Variants in UNC13B observed in about 807,000 individuals in gnomAD.
The protein encoded by UNC13B is unc-13 homolog B.
In UNC13B, 144 loss-of-function variants were observed where a neutral mutation model predicts 211.0. The ratio of observed to expected loss-of-function variants is 0.68; its 90% confidence interval spans 0.60 to 0.78. UNC13B has a LOEUF of 0.78. UNC13B is among the 30% of genes least tolerant of loss of function. The pLI, the probability that UNC13B is intolerant of heterozygous loss-of-function variation, is 0.00. For missense variants in UNC13B, 1,777 were observed against 2,002.0 expected, an observed-to-expected ratio of 0.89 and a Z score of 2.14; for synonymous variants, 709 against 725.8, an observed-to-expected ratio of 0.98 and a Z score of 0.37.
intron 6 of UNC13B, among the ~76,000 whole-genome samples, chr9:35,252,735 C>T (rs1251547552): frequency 6.6e-6 from 1 of 152,006 alleles, no homozygotes; most frequent in East Asian, 2.0e-4. Context: ...TCGAGACCAT[C>T]CTGGCTAACA....
intron 1 of UNC13B, among the ~76,000 whole-genome samples, chr9:35,191,166 G>A (rs1822638833): frequency 6.6e-6 from 1 of 152,094 alleles, no homozygotes; most frequent in Admixed American, 6.6e-5. Flanking sequence ...CACCATGTTG[G>A]TCAGGCTGGT....
In UNC13B at chr9:35,276,903, A is replaced by T. The variant is rs538705832; in HGVS notation, c.526+17853A>T. Among the ~76,000 whole-genome samples, 38 of 152,358 alleles carry T rather than the reference A, an allele frequency of 2.5e-4. 1 individual carries two copies. The South Asian group carries it at 7.7e-3, about 31-fold the overall frequency. On this transcript the variant is annotated intron_variant, in intron 7 of 39. Coordinates refer to ENST00000635942, the MANE Select transcript of UNC13B (RefSeq NM_001371189.2). ...TTACAAAAGAATAAATGTAAAATAC[A>T]AAAGTTTTAGAGCATAATAATGAAA...
intron 26 of UNC13B, among the ~76,000 whole-genome samples, chr9:35,391,171 G>T (rs186446756): frequency 1.1e-3 from 161 of 152,336 alleles, no homozygotes; most frequent in African/African-American, 3.7e-3. Flanking sequence ...ATGCCAGGAA[G>T]ATACTTCTTC....
intron 11 of UNC13B, among the ~76,000 whole-genome samples, chr9:35,317,281 G>C (rs1455669921): frequency 6.6e-6 from 1 of 152,004 alleles, no homozygotes; most frequent in Non-Finnish European, 1.5e-5. Flanking sequence ...GCTCACTGCA[G>C]CGTCAACCTC....
intron 11 of UNC13B, among the ~76,000 whole-genome samples, chr9:35,360,213 G>T (rs1459807780): frequency 6.6e-6 from 1 of 152,144 alleles, no homozygotes; most frequent in Non-Finnish European, 1.5e-5. Flanking sequence ...TCATCAGGGG[G>T]CATTATCTTT....
chr9:35,299,632 C>T (rs1164060021), intron 8 of UNC13B, among the ~76,000 whole-genome samples: 2 of 152,100 alleles, frequency 1.3e-5, no homozygotes, highest in Non-Finnish European at 2.9e-5. Flanking sequence ...TATAGCTGTT[C>T]TTTTTCTCAT....
chr9:35,239,697 C>T (rs1359359997), intron 5 of UNC13B, among the ~76,000 whole-genome samples: 2 of 151,896 alleles, frequency 1.3e-5, no homozygotes, highest in Non-Finnish European at 2.9e-5. Context: ...AGACAGACGT[C>T]CCCAAAGCAG....
chr9:35,245,779 T>G (rs1040125911), intron 6 of UNC13B, among the ~76,000 whole-genome samples: 8 of 152,114 alleles, frequency 5.3e-5, no homozygotes, highest in African/African-American at 1.9e-4. Context: ...GTTCCAGGTC[T>G]TTGCTATTGT....
In UNC13B at chr9:35,399,453, T is replaced by C; in HGVS notation, c.12255+5T>C. 1 of 1,614,060 alleles carries C rather than the reference T, an allele frequency of 6.2e-7. No individual in the cohort carries two copies. Among genetic ancestry groups the C allele is most frequent in the Non-Finnish European group, 8.5e-7 (1 of 1,180,016 alleles). ...AGCCATCTTTCCAAACTCAAGGTAC[T>C]CTGGGTGTGGGGTCCTCCTGGCAGG... On this transcript the variant is annotated splice_donor_5th_base_variant and intron_variant, in intron 35 of 39. Coordinates refer to ENST00000635942, the MANE Select transcript of UNC13B (RefSeq NM_001371189.2).
rs1051596175 is a variant in UNC13B at position 35,306,935 on chromosome 9, T to C, written c.7531T>C (p.Phe2511Leu). The C allele has an allele frequency of 7.5e-6, 3 of 399,038 alleles. No homozygotes were observed. Among genetic ancestry groups the C allele is most frequent in the Non-Finnish European group, 1.3e-5 (3 of 226,060 alleles). 24.7% of individuals were successfully genotyped at this position (399,038 alleles called of 1,614,324 possible). ...ATCTCAGCCCCTCAAAGGTGAATTA[T>C]TTGGAATTTTCAAAAGTCCCAAGCC... ...VSSQPLKGEL[F>L]GIFKSPKPEP... The change falls in exon 9 of 40, where the codon TTT becomes CTT. Residue 2511 changes from phenylalanine to leucine, a missense_variant. By Grantham distance (22) the Phe-to-Leu change is conservative (BLOSUM62 0). Coordinates refer to ENST00000635942, the MANE Select transcript of UNC13B (RefSeq NM_001371189.2).
intron 11 of UNC13B, among the ~76,000 whole-genome samples, chr9:35,321,464 G>A (rs1333354631): frequency 6.6e-6 from 1 of 151,944 alleles, no homozygotes; most frequent in East Asian, 1.9e-4. Context: ...CAATTTTCCT[G>A]TCTCAACCTC....
chr9:35,175,406 A>G (rs1314697354), intron 1 of UNC13B, among the ~76,000 whole-genome samples: 1 of 152,196 alleles, frequency 6.6e-6, no homozygotes, highest in East Asian at 1.9e-4. Context: ...ACTCCAGTGT[A>G]TAGGAATGGG....
rs990944977 is a variant in UNC13B at position 35,166,121 on chromosome 9, C to T, written c.22+3816C>T. On this transcript the variant is annotated intron_variant, in intron 1 of 39. Coordinates refer to ENST00000635942, the MANE Select transcript of UNC13B (RefSeq NM_001371189.2). ...TGCAGGCCAGTCGTGGTGGCTCTTG[C>T]CTGTAATCCCAGCACTTTGGAAGGC... is the stretch of plus-strand genomic sequence containing the variant. 2.0e-5 allele frequency among the ~76,000 whole-genome samples: 3 copies of T among 152,140 alleles called. No homozygotes were observed. In the South Asian group the frequency reaches 6.2e-4, roughly 32 times the overall value.
chr9:35,342,467 G>A (rs925068628), intron 11 of UNC13B: 4 of 633,216 alleles, frequency 6.3e-6, no homozygotes, highest in Non-Finnish European at 7.9e-6. Context: ...TTGCTGGTGA[G>A]GGGGGTCATT....
At chr9:35,359,098 A>T (rs1325870746) in intron 11 of UNC13B, among the ~76,000 whole-genome samples, 1 of 152,048 alleles carries the variant, frequency 6.6e-6, no homozygotes, top group Non-Finnish European at 1.5e-5. Context: ...TGTTGAAAAG[A>T]TTATTCTTTT....
At chr9:35,258,299 C>T (rs1355837620) in intron 6 of UNC13B, among the ~76,000 whole-genome samples, 1 of 152,168 alleles carries the variant, frequency 6.6e-6, no homozygotes, top group African/African-American at 2.4e-5. Context: ...CTGTGTACCC[C>T]TGTTAATTTG....
chr9:35,216,441 G>A (rs1824248167), intron 1 of UNC13B, among the ~76,000 whole-genome samples: 1 of 152,144 alleles, frequency 6.6e-6, no homozygotes, highest in Non-Finnish European at 1.5e-5. Flanking sequence ...TTGTTTATTT[G>A]CCTCATATAA....
At chr9:35,287,567 T>C (rs769125378) in intron 7 of UNC13B, among the ~76,000 whole-genome samples, 30 of 152,236 alleles carry the variant, frequency 2.0e-4, no homozygotes, top group Non-Finnish European at 1.3e-4. Context: ...AAAATTTCTG[T>C]CTGCTTTTTA....
At position 35,307,119 on chromosome 9, in the gene UNC13B, T is replaced by G. The variant is rs1829963025; in HGVS notation, c.7715T>G (p.Val2572Gly). The change falls in exon 9 of 40, where the codon GTT becomes GGT. Residue 2572 changes from valine to glycine, a missense_variant. Transcript: ENST00000635942. ...STLSDCRMTVVSAKPESDILT... is the reference protein window; with the variant it reads ...STLSDCRMTVGSAKPESDILT... Reference sequence around the variant, plus strand: ...CTCAGTGACTGTAGAATGACTGTGGTTAGTGCAAAGCCAGAATCAGATATC... The same window carrying G: ...CTCAGTGACTGTAGAATGACTGTGGGTAGTGCAAAGCCAGAATCAGATATC... 1 of 399,034 alleles carries G rather than the reference T, an allele frequency of 2.5e-6. No individual in the cohort carries two copies. The highest frequency in any genetic ancestry group is 3.6e-5 in the East Asian group (1 of 28,078). 24.7% of individuals were successfully genotyped at this position (399,034 alleles called of 1,614,324 possible).
Sources: allele counts gnomAD v4.1 joint callset (sites outside exome capture counted in the v4.1 genomes callset), GRCh38; gene constraint gnomAD v4.1.1; transcripts MANE v1.5; gene names NCBI Gene and HGNC (gene_info 2026-07-23, HGNC 2026-07-21).